FREM2: variants seen among roughly 807,000 people sequenced by gnomAD.
FREM2 encodes FRAS1 related extracellular matrix 2, also known as FRAS1-related extracellular matrix protein 2.
FREM2 carries 119 observed loss-of-function variants against 219.9 expected under a neutral mutation model. The ratio of observed to expected loss-of-function variants is 0.54; its 90% confidence interval spans 0.47 to 0.63. The LOEUF is 0.63. FREM2 is among the 30% of genes least tolerant of loss of function. The pLI, the probability that FREM2 is intolerant of heterozygous loss-of-function variation, is 0.00. For missense variants in FREM2, 4,030 were observed against 3,993.6 expected (o/e 1.01, Z -0.25); for synonymous variants, 1,562 against 1,522.8 (o/e 1.03, Z -0.60).
chr13:38,807,186 C>T (rs1173361818), intron 6 of FREM2, among the ~76,000 whole-genome samples: 1 of 19,050 alleles, frequency 5.2e-5, no homozygotes, highest in Non-Finnish European at 1.8e-4. Context: ...GATCTTGTCT[C>T]TGTTATATAT....
At chr13:38,875,697 G>A (rs982424173) in intron 18 of FREM2, among the ~76,000 whole-genome samples, 1 of 152,174 alleles carries the variant, frequency 6.6e-6, no homozygotes, top group African/African-American at 2.4e-5. Context: ...GTGCTGCTGT[G>A]ACTCCCCAGA....
Position 38,687,150 on chromosome 13 carries a change from G to C in FREM2, c.-195G>C, listed in dbSNP as rs562430219. ...AGCTGGACGGCCTGGGAAGGCTTCG[G>C]CTCCTCGGCTGCGGCTCCAGCCCGG... On this transcript the variant is annotated 5_prime_UTR_variant, in exon 1 of 24. Coordinates refer to ENST00000280481, the MANE Select transcript of FREM2 (RefSeq NM_207361.6). 7.1e-6 allele frequency: 5 copies of C among 700,998 alleles called. No individual in the cohort carries two copies. The East Asian group carries it at 1.4e-4, about 19-fold the overall frequency. The allele number at this position is 700,998 out of a possible 1,614,324, so 43.4% of individuals were successfully genotyped here.
intron 16 of FREM2, among the ~76,000 whole-genome samples, chr13:38,868,572 A>G (rs1284539344): frequency 6.6e-6 from 1 of 152,234 alleles, no homozygotes; most frequent in African/African-American, 2.4e-5. Flanking sequence ...AAGCCAGGTG[A>G]ACTTTTTCCT....
At chr13:38,833,704 C>T (rs1401720748) in intron 6 of FREM2, among the ~76,000 whole-genome samples, 1 of 152,072 alleles carries the variant, frequency 6.6e-6, no homozygotes, top group Non-Finnish European at 1.5e-5. Flanking sequence ...TTATTTATTT[C>T]AGTGTCCATC....
At chr13:38,809,460 G>C (rs1489477860) in intron 6 of FREM2, among the ~76,000 whole-genome samples, 1 of 151,832 alleles carries the variant, frequency 6.6e-6, no homozygotes, top group African/African-American at 2.4e-5. Flanking sequence ...ATAGTTTGAG[G>C]TCTTAAATTT....
Position 38,775,355 on chromosome 13 carries a change from G to T in FREM2, c.5641+5547G>T, listed in dbSNP as rs59618805. Among the ~76,000 whole-genome samples, 499 of 152,298 alleles carry T rather than the reference G, an allele frequency of 3.3e-3. 6 individuals are homozygous for T. The highest frequency in any genetic ancestry group is 0.012 in the African/African-American group (478 of 41,548). ...TGATGATACAGAAATGATAAAGCAG[G>T]CATGAGAGAGCTTCAACTTCAGTGA... On this transcript the variant is annotated intron_variant, in intron 4 of 23. Coordinates refer to ENST00000280481, the MANE Select transcript of FREM2 (RefSeq NM_207361.6).
Position 38,736,606 on chromosome 13 carries a change from T to C in FREM2, c.5264-27698T>C, listed in dbSNP as rs75073793. Among the ~76,000 whole-genome samples, 79 of 152,332 alleles carry C rather than the reference T, an allele frequency of 5.2e-4. 1 individual carries two copies. In the South Asian group the frequency reaches 7.3e-3, roughly 14 times the overall value. The stretch of plus-strand genomic sequence containing the variant: ...CTGTCAGGTATGCAGCAAGATCTTA[T>C]ATAGTAAGACTGTTTTGAACATGAG... On this transcript the variant is annotated intron_variant, in intron 2 of 23. Coordinates refer to ENST00000280481, the MANE Select transcript of FREM2 (RefSeq NM_207361.6).
intron 2 of FREM2, among the ~76,000 whole-genome samples, chr13:38,710,449 C>A (rs1870725319): frequency 6.6e-6 from 1 of 152,142 alleles, no homozygotes; most frequent in Non-Finnish European, 1.5e-5. Context: ...TGGCCTTGAA[C>A]CCTGGCTCTG....
rs754608255 is a variant in FREM2 at position 38,691,637 on chromosome 13, G to A, written c.4293G>A (p.Leu1431=). Residue 1431 remains leucine, a synonymous_variant, in exon 1 of 24, where the codon TTG becomes TTA. Transcript: ENST00000280481. The part of the protein sequence containing the change: ...FPDVISKGVS[L]KEGGKVTLTT... The stretch of plus-strand genomic sequence containing the variant: ...ATGTGATAAGTAAGGGAGTGTCCTT[G>A]AAAGAAGGTGGCAAAGTCACTCTTA... 1.1e-5 allele frequency: 17 copies of A among 1,614,010 alleles called. No homozygotes were observed. In the Middle Eastern group the frequency reaches 8.2e-4, roughly 78 times the overall value.
Position 38,688,395 on chromosome 13 carries a change from C to A in FREM2, c.1051C>A (p.Pro351Thr), listed in dbSNP as rs1340628369. The A allele has an allele frequency of 6.2e-7, 1 of 1,613,958 alleles. No individual in the cohort carries two copies. The highest frequency in any genetic ancestry group is 1.3e-5 in the African/African-American group (1 of 75,064). Residue 351 changes from proline (P) to threonine (T), a missense_variant, in exon 1 of 24, where the codon CCC becomes ACC. By Grantham distance (38) the Pro-to-Thr change is conservative. Coordinates refer to ENST00000280481, the MANE Select transcript of FREM2 (RefSeq NM_207361.6). Reference protein sequence around the residue: ...DMLAAEDAESPSDLLIFNLTS... With the variant: ...DMLAAEDAESTSDLLIFNLTS... ...GCTGGCAGCCGAGGATGCTGAGTCT[C>A]CCTCTGACCTGTTGATCTTCAACCT... is the stretch of plus-strand genomic sequence containing the variant.
Position 38,886,286 on chromosome 13 carries a change from T to A in FREM2, c.*5499T>A, listed in dbSNP as rs1376047375. On this transcript the variant is annotated 3_prime_UTR_variant, in exon 24 of 24. Coordinates refer to ENST00000280481, the MANE Select transcript of FREM2 (RefSeq NM_207361.6). ...TTACAAAAAGTAGTCAAGTCAGTCT[T>A]CCATTGTGACTTCAGGAATTCAAAT... The A allele has an allele frequency of 2.0e-5, 3 of 152,128 alleles. No individual in the cohort carries two copies. The highest frequency in any genetic ancestry group is 4.4e-5 in the Non-Finnish European group (3 of 68,022). The allele number at this position is 152,128 out of a possible 1,614,324, so 9.4% of individuals were successfully genotyped here.
Position 38,688,559 on chromosome 13 carries a change from G to C in FREM2, c.1215G>C (p.Glu405Asp), listed in dbSNP as rs766251880. The C allele has an allele frequency of 1.9e-6, 3 of 1,613,682 alleles. No homozygotes were observed. Among genetic ancestry groups the C allele is most frequent in the Non-Finnish European group, 1.7e-6 (2 of 1,179,716 alleles). ...YQPPSEDSDQERLFELELEVV... is the reference protein window; with the variant it reads ...YQPPSEDSDQDRLFELELEVV... ...CCCCTTCTGAAGACTCTGACCAGGAGCGCCTCTTTGAACTGGAATTGGAGG... is the reference window on the plus strand; with the variant it reads ...CCCCTTCTGAAGACTCTGACCAGGACCGCCTCTTTGAACTGGAATTGGAGG... Residue 405 changes from glutamate (E) to aspartate (D), a missense_variant, in exon 1 of 24, where the codon GAG becomes GAC. Coordinates refer to ENST00000280481, the MANE Select transcript of FREM2 (RefSeq NM_207361.6).
rs758270973 is a variant in FREM2, at chr13:38,687,824, C to T, written c.480C>T (p.Pro160=). The T allele has an allele frequency of 1.3e-6, 2 of 1,544,416 alleles. No individual in the cohort carries two copies. Among genetic ancestry groups the T allele is most frequent in the East Asian group, 2.3e-5 (1 of 43,358 alleles). The change falls in exon 1 of 24, where the codon CCC becomes CCT. Residue 160 remains proline, a synonymous_variant. Coordinates refer to ENST00000280481, the MANE Select transcript of FREM2 (RefSeq NM_207361.6). The part of the protein sequence containing the change: ...RVRLQLRYDA[P]GGAVVLPLVL... Reference sequence around the variant, plus strand: ...GGCTGCAGCTGCGCTATGACGCGCCCGGAGGGGCAGTAGTGCTACCACTGG... The same window carrying T: ...GGCTGCAGCTGCGCTATGACGCGCCTGGAGGGGCAGTAGTGCTACCACTGG...
chr13:38,791,280 G>T (rs1182117864), intron 6 of FREM2, among the ~76,000 whole-genome samples: 4 of 152,162 alleles, frequency 2.6e-5, no homozygotes, highest in Non-Finnish European at 4.4e-5. Context: ...GCCAGGATTT[G>T]TTCAAGTGAG....
intron 5 of FREM2, 90 bp downstream of exon 5, chr13:38,783,285 G>A: frequency 7.6e-7 from 1 of 1,323,808 alleles, no homozygotes; most frequent in Non-Finnish European, 1.1e-6. Flanking sequence ...TTTACCATGA[G>A]GGGTATACTT....
chr13:38,821,422 T>C (rs1876049146), intron 6 of FREM2, among the ~76,000 whole-genome samples: 1 of 152,138 alleles, frequency 6.6e-6, no homozygotes, highest in Admixed American at 6.6e-5. Context: ...TAATTTATAT[T>C]GAAATTTTAA....
At chr13:38,768,371 C>T (rs1873524363) in intron 3 of FREM2, among the ~76,000 whole-genome samples, 1 of 152,070 alleles carries the variant, frequency 6.6e-6, no homozygotes, top group South Asian at 2.1e-4. Flanking sequence ...TCTTGACCTC[C>T]TAGGGCTCAG....
At chr13:38,805,795 A>G (rs897391879) in intron 6 of FREM2, among the ~76,000 whole-genome samples, 1 of 151,932 alleles carries the variant, frequency 6.6e-6, no homozygotes, top group Admixed American at 6.6e-5. Context: ...CTTGTTATAT[A>G]TTAAGAAAAT....
rs141834289 is a variant in FREM2, at chr13:38,872,858, T to G, written c.8100T>G (p.Leu2700=). The G allele has an allele frequency of 5.5e-4, 883 of 1,614,102 alleles. 3 individuals carry two copies. The highest frequency in any genetic ancestry group is 2.3e-4 in the Non-Finnish European group (275 of 1,179,936). The change falls in exon 17 of 24, where the codon CTT becomes CTG. Residue 2700 remains leucine, a synonymous_variant. Transcript: ENST00000280481. ...AGCATTTTGACTTGAAGTCAGAGCT[T>G]CGTCTAACTTTTGTGTACGACACCG... The part of the protein sequence containing the change: ...GWQHFDLKSE[L]RLTFVYDTAI...
Sources: allele counts gnomAD v4.1 joint callset (sites outside exome capture counted in the v4.1 genomes callset), GRCh38; gene constraint gnomAD v4.1.1; transcripts MANE v1.5; gene names NCBI Gene and HGNC (gene_info 2026-07-23, HGNC 2026-07-21).